Variants in FLNA observed in about 807,000 individuals in gnomAD.
FLNA encodes filamin-A.
In FLNA, 7 loss-of-function variants were observed where a neutral mutation model predicts 157.6. The ratio of observed to expected loss-of-function variants is 0.04; its 90% confidence interval spans 0.03 to 0.08. The LOEUF (loss-of-function observed/expected upper bound fraction) is 0.08, where lower values mean the gene tolerates loss of function less well. Ranked by LOEUF, FLNA falls within the 10% of genes least tolerant of loss-of-function variation. The probability of loss-of-function intolerance (pLI) is 1.00; values close to 1 mark genes in which losing one functional copy is unlikely to be tolerated. For synonymous variants in FLNA, 1,103 were observed against 1,060.8 expected (o/e 1.04, Z -0.77); for missense variants, 1,750 against 2,398.4 (o/e 0.73, Z 5.65).
chrX:154,359,261 C>G lies in FLNA; in HGVS notation c.4288G>C (p.Gly1430Arg), dbSNP rs782743829. The change falls in exon 25 of 48, where the codon GGC becomes CGC. Residue 1430 changes from glycine to arginine, a missense_variant. By Grantham distance (125) the Gly-to-Arg change is moderately radical. Coordinates refer to ENST00000369850, the MANE Select transcript of FLNA (RefSeq NM_001110556.2). The stretch of plus-strand genomic sequence containing the variant: ...ACCTCCTCACCTGGCACTTGATGGC[C>G]ACCATAGGTGACGTTGAGGCTGTAG... ...GTYSLNVTYG[G>R]HQVPGSPFKV... The G allele has an allele frequency of 2.5e-6, 3 of 1,211,450 alleles. No individual in the cohort carries two copies. In the South Asian group the frequency reaches 5.3e-5, roughly 21 times the overall value.
At position 154,362,546 on chromosome X, in the gene FLNA, C is replaced by T. The variant is rs782276414; in HGVS notation, c.2437G>A (p.Gly813Arg). ...TCAGCTTCGGCGGGGCCTACCACTC[C>T]AGGGGCACACTTGATGCCGATGCTG... ...DVSIGIKCAP[G>R]VVGPAEADID... is the part of the protein sequence containing the mutation. Residue 813 changes from glycine to arginine, a missense_variant, in exon 17 of 48, where the codon GGA becomes AGA. Physicochemically the swap from Gly to Arg is moderately radical, Grantham distance 125 (BLOSUM62 -2). Coordinates refer to ENST00000369850, the MANE Select transcript of FLNA (RefSeq NM_001110556.2). 1.2e-5 allele frequency: 14 copies of T among 1,211,542 alleles called. No individual in the cohort carries two copies. Among genetic ancestry groups the T allele is most frequent in the Non-Finnish European group, 8.9e-6 (8 of 895,528 alleles).
Position 154,365,259 on chromosome X carries a change from T to C in FLNA, c.1568A>G (p.Lys523Arg). 8.3e-7 allele frequency: 1 copy of C among 1,211,731 alleles called. No individual in the cohort carries two copies. The change falls in exon 11 of 48, where the codon AAG becomes AGG. Residue 523 changes from lysine (K) to arginine (R), a missense_variant and splice_region_variant. Around this residue, in one of 5 missense-constraint regions of FLNA, gnomAD observed 648 missense variants for 805.8 expected, o/e 0.80. Transcript: ENST00000369850. ...CTTCTGCTTCACGCGCTCCTCTCCCTCTGCCAAGACAAGGAGGGCCTCAGG... is the reference window on the plus strand; with the variant it reads ...CTTCTGCTTCACGCGCTCCTCTCCCCCTGCCAAGACAAGGAGGGCCTCAGG... ...GELKVTVKGP[K>R]GEERVKQKDL...
At position 154,374,535 on chromosome X, in the gene FLNA, A is replaced by C. The variant is rs1251804839; in HGVS notation, c.-146T>G. 8.9e-6 allele frequency: 1 copy of C among 111,865 alleles called. No individual in the cohort carries two copies. The highest frequency in any genetic ancestry group is 1.9e-5 in the Non-Finnish European group (1 of 52,674). The allele number at this position is 111,865 out of a possible 1,213,427, so 9.2% of individuals were successfully genotyped here. On this transcript the variant is annotated 5_prime_UTR_variant, in exon 1 of 48. Transcript: ENST00000369850. Reference sequence around the variant, plus strand: ...TGTTCCTGAGAGCGACCGGTGACCGATGACCGCGGGGTGGCGCCCGGATCG... The same window carrying C: ...TGTTCCTGAGAGCGACCGGTGACCGCTGACCGCGGGGTGGCGCCCGGATCG...
chrX:154,361,584 G>T lies in FLNA; in HGVS notation c.2945-14C>A. 8.3e-7 allele frequency: 1 copy of T among 1,211,444 alleles called. No individual in the cohort carries two copies. The highest frequency in any genetic ancestry group is 1.1e-6 in the Non-Finnish European group (1 of 895,308). On this transcript the variant is annotated splice_polypyrimidine_tract_variant and intron_variant, in intron 20 of 47. Transcript: ENST00000369850. ...CAACGTCCACCTCTGTGGAAACGATGAAAGGAAGGAGAGAGACATGACACC... is the reference window on the plus strand; with the variant it reads ...CAACGTCCACCTCTGTGGAAACGATTAAAGGAAGGAGAGAGACATGACACC...
At position 154,364,282 on chromosome X, in the gene FLNA, C is replaced by T. The variant is rs2148115967; in HGVS notation, c.2113G>A (p.Ala705Thr). ...FTVDAKHGGK[A>T]PLRVQVQDNE... ...ACCTGGACTTGGACCCGAAGTGGGG[C>T]CTTGCCACCGTGCTTGGCATCCACT... Residue 705 changes from alanine to threonine, a missense_variant, in exon 14 of 48, where the codon GCC becomes ACC. Coordinates refer to ENST00000369850, the MANE Select transcript of FLNA (RefSeq NM_001110556.2). The T allele has an allele frequency of 8.3e-7, 1 of 1,211,115 alleles. No individual in the cohort carries two copies. The highest frequency in any genetic ancestry group is 1.1e-6 in the Non-Finnish European group (1 of 895,218).
chrX:154,371,349 A>T lies in FLNA; in HGVS notation c.-104T>A. On this transcript the variant is annotated 5_prime_UTR_variant, in exon 2 of 48. Coordinates refer to ENST00000369850, the MANE Select transcript of FLNA (RefSeq NM_001110556.2). ...TAGGCGCGCGGGAGGCGAGGCAGGGAGCAGAGGTTGCGCTGCGGAGAGAGC... is the reference window on the plus strand; with the variant it reads ...TAGGCGCGCGGGAGGCGAGGCAGGGTGCAGAGGTTGCGCTGCGGAGAGAGC... The T allele has an allele frequency of 9.8e-7, 1 of 1,016,116 alleles. No homozygotes were observed. The highest frequency in any genetic ancestry group is 1.3e-6 in the Non-Finnish European group (1 of 754,529). The allele number at this position is 1,016,116 out of a possible 1,213,427, so 83.7% of individuals were successfully genotyped here.
Position 154,366,028 on chromosome X carries a change from G to A in FLNA, c.1425C>T (p.Gly475=). 8.3e-7 allele frequency: 1 copy of A among 1,201,719 alleles called. No homozygotes were observed. The part of the protein sequence containing the change: ...IPRSPYTVTV[G]QACNPSACRA... ...GGCAGTCAGGGCCGGGCCTACCTTG[G>A]CCAACAGTGACAGTGTAGGGGCTGC... Residue 475 remains glycine (G), a synonymous_variant, in exon 9 of 48, where the codon GGC becomes GGT. Transcript: ENST00000369850.
chrX:154,370,775 G>C, intron 2 of FLNA, 98 bp downstream of exon 2: 1 of 956,347 alleles, frequency 1.0e-6, no homozygotes, highest in Non-Finnish European at 1.4e-6. Flanking sequence ...TTGCGCTGCG[G>C]CCCGGAAGGG....
chrX:154,371,297 G>A lies in FLNA; in HGVS notation c.-52C>T, dbSNP rs1217937098. On this transcript the variant is annotated 5_prime_UTR_variant, in exon 2 of 48. Coordinates refer to ENST00000369850, the MANE Select transcript of FLNA (RefSeq NM_001110556.2). ...GGTGCTGCAGCCTCGGCGAGGGGAC[G>A]GCCCTTTAATTAAAGTCGCAGGCAC... 4 of 1,179,732 alleles carry A rather than the reference G, an allele frequency of 3.4e-6. No homozygotes were observed. The highest frequency in any genetic ancestry group is 4.5e-6 in the Non-Finnish European group (4 of 883,526).
intron 6 of FLNA, 40 bp from the exon 7 acceptor site, chrX:154,366,679 G>T: frequency 3.3e-6 from 4 of 1,203,138 alleles, no homozygotes; most frequent in Non-Finnish European, 4.5e-6. Context: ...GCTAAGAGCA[G>T]CCCCACTGAA....
At position 154,348,995 on chromosome X, in the gene FLNA, G is replaced by A. The variant is rs377322094; in HGVS notation, c.7798C>T (p.Pro2600Ser). ...LLVGVHGPRT[P>S]CEEILVKHVG... ...TGCTTCACCAGGATCTCCTCGCAGGGGGTCCTTGGGCCATGAACCCCCACC... is the reference window on the plus strand; with the variant it reads ...TGCTTCACCAGGATCTCCTCGCAGGAGGTCCTTGGGCCATGAACCCCCACC... Residue 2600 changes from proline (P) to serine (S), a missense_variant, in exon 48 of 48, where the codon CCC (proline) becomes TCC (serine). Pro to Ser is a moderately conservative substitution (Grantham distance 74). Transcript: ENST00000369850. 8.3e-7 allele frequency: 1 copy of A among 1,211,239 alleles called. No individual in the cohort carries two copies. The highest frequency in any genetic ancestry group is 1.1e-6 in the Non-Finnish European group (1 of 895,262).
Position 154,368,011 on chromosome X carries a change from G to A in FLNA, c.453C>T (p.Ser151=), listed in dbSNP as rs782356825. The A allele has an allele frequency of 4.1e-6, 5 of 1,204,962 alleles. No homozygotes were observed. In the African/African-American group the frequency reaches 5.3e-5, roughly 13 times the overall value. Residue 151 remains serine, a synonymous_variant, in exon 3 of 48, where the codon TCC becomes TCT. Transcript: ENST00000369850. ...IWTLILHYSI[S]MPMWDEEEDE... ...CCTCCTCCTCGTCCCACATGGGCAT[G>A]GAGATGGAGTAGTGCAGGATCAGGG... is the stretch of plus-strand genomic sequence containing the variant.
At position 154,367,482 on chromosome X, in the gene FLNA, C is replaced by G. The variant is rs1603363140; in HGVS notation, c.783G>C (p.Leu261=). 1 of 1,210,062 alleles carries G rather than the reference C, an allele frequency of 8.3e-7. No individual in the cohort carries two copies. Among genetic ancestry groups the G allele is most frequent in the East Asian group, 3.0e-5 (1 of 33,779 alleles). ...NVDEHSVMTY[L]SQFPKAKLKP... ...TCAGCTTGGCCTTGGGGAACTGGGA[C>G]AGGTAGGTCATGACAGAGTGCTCGT... Residue 261 remains leucine (L), a synonymous_variant, in exon 5 of 48, where the codon CTG becomes CTC. Transcript: ENST00000369850.
rs1457506886 is a variant in FLNA at position 154,365,234 on chromosome X, C to T, written c.1593G>A (p.Lys531=). 6 of 1,210,707 alleles carry T rather than the reference C, an allele frequency of 5.0e-6. No individual in the cohort carries two copies. Among genetic ancestry groups the T allele is most frequent in the Admixed American group, 4.3e-5 (2 of 45,992 alleles). ...GPKGEERVKQ[K]DLGDGVYGFE... is the part of the protein sequence containing the mutation. ...AGCCATACACGCCATCCCCCAGGTC[C>T]TTCTGCTTCACGCGCTCCTCTCCCT... Residue 531 remains lysine, a synonymous_variant, in exon 11 of 48, where the codon AAG becomes AAA. Coordinates refer to ENST00000369850, the MANE Select transcript of FLNA (RefSeq NM_001110556.2).
chrX:154,366,107 G>T lies in FLNA; in HGVS notation c.1346C>A (p.Thr449Asn), dbSNP rs1304244536. 2 of 1,210,691 alleles carry T rather than the reference G, an allele frequency of 1.7e-6. No individual in the cohort carries two copies. Among genetic ancestry groups the T allele is most frequent in the Non-Finnish European group, 2.2e-6 (2 of 895,358 alleles). Residue 449 changes from threonine to asparagine, a missense_variant, in exon 9 of 48, where the codon ACC (threonine) becomes AAC (asparagine). By Grantham distance (65) the Thr-to-Asn change is moderately conservative. This residue lies in a region of FLNA where 648 missense variants were observed against 805.8 expected (regional missense o/e 0.80). Coordinates refer to ENST00000369850, the MANE Select transcript of FLNA (RefSeq NM_001110556.2). ...GTGCACGGTGTGGACGCCCTCCATGGTGGGCTGGTAGCTGCAGCGGTATGT... is the reference window on the plus strand; with the variant it reads ...GTGCACGGTGTGGACGCCCTCCATGTTGGGCTGGTAGCTGCAGCGGTATGT... Reference protein sequence around the residue: ...DSTYRCSYQPTMEGVHTVHVT... With the variant: ...DSTYRCSYQPNMEGVHTVHVT...
Position 154,361,689 on chromosome X carries a change from C to G in FLNA, c.2925G>C (p.Lys975Asn), listed in dbSNP as rs375495397. 2.6e-5 allele frequency: 32 copies of G among 1,208,262 alleles called. No individual in the cohort carries two copies. The highest frequency in any genetic ancestry group is 7.0e-5 in the African/African-American group (4 of 57,096). The change falls in exon 20 of 48, where the codon AAG becomes AAC. Residue 975 changes from lysine to asparagine, a missense_variant. Lys to Asn is a moderately conservative substitution (Grantham distance 94). Transcript: ENST00000369850. ...VSPSLDLSKI[K>N]VSGLGEKVDV... ...ACTTACTCTCTCCCAGGCCAGACAC[C>G]TTGATCTTGCTGAGGTCCAGGCTTG...
chrX:154,356,606 C>T (rs1347438369), intron 30 of FLNA, among the ~76,000 whole-genome samples: 1 of 112,221 alleles, frequency 8.9e-6, no homozygotes, highest in Non-Finnish European at 1.9e-5. Context: ...AGGTGACCCT[C>T]CATGCCTGTT....
At chrX:154,367,245 C>T in intron 5 of FLNA, 152 bp downstream of exon 5, 1 of 576,024 alleles carries the variant, frequency 1.7e-6, no homozygotes, top group Non-Finnish European at 2.7e-6. Flanking sequence ...TTTCACTAGT[C>T]CCAAAAACCC....
rs373679124 is a variant in FLNA at position 154,349,032 on chromosome X, G to A, written c.7761C>T (p.Asn2587=). The change falls in exon 48 of 48, where the codon AAC becomes AAT. Residue 2587 remains asparagine (N), a synonymous_variant. Transcript: ENST00000369850. ...CATGAACCCCCACCAGCAGCATGTT[G>A]TTGCCTGAGGCAAGAGGGGTCCTCA... The part of the protein sequence containing the change: ...SFTVDCSKAG[N]NMLLVGVHGP... 20 of 1,205,437 alleles carry A rather than the reference G, an allele frequency of 1.7e-5. No individual in the cohort carries two copies. The highest frequency in any genetic ancestry group is 2.0e-5 in the Non-Finnish European group (18 of 892,787).
Sources: gnomAD v4.1 joint callset for allele counts (sites outside exome capture counted in the v4.1 genomes callset) on GRCh38, gnomAD v4.1.1 for gene constraint, gnomAD v4.1.1 regional missense constraint, MANE v1.5 for transcripts, NCBI Gene and HGNC (gene_info 2026-07-23, HGNC 2026-07-21) for gene names.